AVEN: variants seen among roughly 807,000 people sequenced by gnomAD.
AVEN encodes the protein cell death regulator Aven.
Under a neutral mutation model 38.1 loss-of-function variants are expected in AVEN, and 41 were observed. The observed-to-expected ratio is 1.08, with a 90% CI of 0.84 to 1.40. AVEN has a LOEUF of 1.40. AVEN is among the 40% of genes most tolerant of loss of function. AVEN has a pLI of 0.00. For missense variants in AVEN, 605 were observed against 438.8 expected (o/e 1.38, Z -3.38); for synonymous variants, 206 against 171.8 (o/e 1.20, Z -1.56).
chr15:33,981,443 C>G (rs141166094), intron 2 of AVEN, among the ~76,000 whole-genome samples: 1 of 140,626 alleles, frequency 7.1e-6, no homozygotes, highest in Non-Finnish European at 1.6e-5. Flanking sequence ...CTAAACATAA[C>G]CAAGTTTTTT....
Position 34,031,077 on chromosome 15 carries a change from A to G in AVEN, c.267+7703T>C, listed in dbSNP as rs200196829. Among the ~76,000 whole-genome samples, 16 of 151,970 alleles carry G rather than the reference A, an allele frequency of 1.1e-4. No homozygotes were observed. The East Asian group carries it at 2.9e-3, about 28-fold the overall frequency. On this transcript the variant is annotated intron_variant, in intron 1 of 5. Transcript: ENST00000306730. ...TTGACACAGTTAAATACAAAAATAG[A>G]GGAATCACAACACTGATAATAAGCC...
At chr15:33,904,146 G>A (rs1892595580) in intron 2 of AVEN, among the ~76,000 whole-genome samples, 1 of 152,200 alleles carries the variant, frequency 6.6e-6, no homozygotes, top group Non-Finnish European at 1.5e-5. Context: ...TAGGCCAGGT[G>A]CAGTAGCTCA....
At chr15:33,958,298 C>T (rs1031341844) in intron 2 of AVEN, among the ~76,000 whole-genome samples, 5 of 152,102 alleles carry the variant, frequency 3.3e-5, no homozygotes, top group African/African-American at 9.7e-5. Flanking sequence ...AACTTCTTCT[C>T]GCCATGCACT....
chr15:33,887,895 T>G (rs984621538), intron 2 of AVEN, among the ~76,000 whole-genome samples: 1 of 152,060 alleles, frequency 6.6e-6, no homozygotes, highest in Non-Finnish European at 1.5e-5. Context: ...AAAACCACCA[T>G]ACAAATAATC....
chr15:34,064,649 G>A (rs1449819508), intron 4 of AVEN: 1 of 286,904 alleles, frequency 3.5e-6, no homozygotes, highest in East Asian at 7.7e-5. Flanking sequence ...CCCTTCTGTA[G>A]GAAACAGCAG....
intron 2 of AVEN, among the ~76,000 whole-genome samples, chr15:33,891,177 CT>C (rs1241604095): frequency 6.6e-6 from 1 of 151,610 alleles, no homozygotes; most frequent in Non-Finnish European, 1.5e-5. Context: ...AATAAGCAAG[CT>C]TTAGAAATTT....
chr15:34,028,912 G>C (rs189478855), intron 1 of AVEN, among the ~76,000 whole-genome samples: 2 of 152,140 alleles, frequency 1.3e-5, no homozygotes, highest in East Asian at 3.9e-4. Context: ...AAAAAAAATT[G>C]GGAGAGAAAG....
At chr15:34,050,189 C>A (rs924716024) in intron 5 of AVEN, among the ~76,000 whole-genome samples, 1 of 152,038 alleles carries the variant, frequency 6.6e-6, no homozygotes, top group Admixed American at 6.6e-5. Flanking sequence ...TGCCTGGCCT[C>A]AACATTCTAA....
At chr15:33,873,370 G>A (rs1454228647) in intron 3 of AVEN, among the ~76,000 whole-genome samples, 1 of 150,318 alleles carries the variant, frequency 6.7e-6, no homozygotes. Context: ...AAAGTGCTGG[G>A]ATTATAGGCG....
chr15:34,068,518 ATT>A (rs1218631385), intron 2 of AVEN, among the ~76,000 whole-genome samples: 7 of 152,126 alleles, frequency 4.6e-5, no homozygotes, highest in Admixed American at 4.6e-4. Context: ...TAGAGTGTGT[ATT>A]TCTTAAGAAG....
intron 2 of AVEN, among the ~76,000 whole-genome samples, chr15:33,904,881 G>C (rs1485310659): frequency 6.6e-6 from 1 of 151,910 alleles, no homozygotes; most frequent in African/African-American, 2.4e-5. Flanking sequence ...TGTAATCCCA[G>C]TACTTTGGGA....
At chr15:34,032,025 A>G (rs915354302) in intron 1 of AVEN, among the ~76,000 whole-genome samples, 18 of 150,924 alleles carry the variant, frequency 1.2e-4, no homozygotes, top group African/African-American at 3.9e-4. Context: ...GCGCACACGC[A>G]CACACACACA....
At chr15:33,878,438 C>T (rs1236807687) in intron 2 of AVEN, among the ~76,000 whole-genome samples, 1 of 151,882 alleles carries the variant, frequency 6.6e-6, no homozygotes, top group East Asian at 1.9e-4. Context: ...AGCAACTCAC[C>T]AGCCATGTGA....
chr15:33,913,581 A>T (rs1893001929), intron 2 of AVEN, among the ~76,000 whole-genome samples: 1 of 152,182 alleles, frequency 6.6e-6, no homozygotes, highest in South Asian at 2.1e-4. Flanking sequence ...TAGCAAGTAC[A>T]GTGAGCCTAG....
At chr15:34,041,036 T>G (rs900059224), upstream of AVEN, among the ~76,000 whole-genome samples, 1 of 152,140 alleles carries the variant, frequency 6.6e-6, no homozygotes, top group South Asian at 2.1e-4. Context: ...AAGTTGAAGA[T>G]CCACACATTA....
chr15:33,986,831 G>A (rs936063732), intron 2 of AVEN, among the ~76,000 whole-genome samples: 2 of 151,930 alleles, frequency 1.3e-5, no homozygotes, highest in South Asian at 2.1e-4. Flanking sequence ...TAATTGTTTT[G>A]TATTTTTAGT....
intron 2 of AVEN, among the ~76,000 whole-genome samples, chr15:33,928,562 T>G (rs188782356): frequency 1.3e-5 from 2 of 152,116 alleles, no homozygotes; most frequent in African/African-American, 2.4e-5. Flanking sequence ...ACAAGTAGAG[T>G]GCTCTCCAAG....
At chr15:34,026,423 C>T (rs905704241) in intron 1 of AVEN, among the ~76,000 whole-genome samples, 3 of 151,918 alleles carry the variant, frequency 2.0e-5, no homozygotes, top group Non-Finnish European at 2.9e-5. Context: ...AAAGGAAACA[C>T]GGATTAATTT....
At chr15:34,075,082 C>T (rs997378860) in exon 1 of AVEN, among the ~76,000 whole-genome samples, 2 of 147,644 alleles carry the variant, frequency 1.4e-5, no homozygotes, top group Non-Finnish European at 3.0e-5. Context: ...GAGGCTGAGG[C>T]AGGAGAATCA....
Sources: allele counts gnomAD v4.1 joint callset (sites outside exome capture counted in the v4.1 genomes callset), GRCh38; gene constraint gnomAD v4.1.1; transcripts MANE v1.5; gene names NCBI Gene and HGNC (gene_info 2026-07-23, HGNC 2026-07-21).